The following ARID2 variants were observed in gnomAD, a reference collection of about 807,000 sequenced individuals.
The protein encoded by ARID2 is AT-rich interaction domain 2.
A neutral mutation model predicts 184.6 loss-of-function variants in ARID2; 32 were observed. The observed-to-expected ratio is 0.17, with a 90% CI of 0.13 to 0.23. The LOEUF is 0.23. Ranked by LOEUF, ARID2 falls within the 10% of genes least tolerant of loss-of-function variation. The pLI is 1.00. For synonymous variants in ARID2, 836 were observed against 772.6 expected, an observed-to-expected ratio of 1.08 and a Z score of -1.36; for missense variants, 1,696 against 2,197.6, an observed-to-expected ratio of 0.77 and a Z score of 4.56.
chr12:45,892,741 A>G (rs1466138395), intron 18 of ARID2, among the ~76,000 whole-genome samples: 2 of 152,136 alleles, frequency 1.3e-5, no homozygotes, highest in Non-Finnish European at 1.5e-5. Flanking sequence ...CACACAGATA[A>G]TGATGCACTA....
chr12:45,900,122 G>A (rs1423502347), intron 20 of ARID2, among the ~76,000 whole-genome samples: 9 of 152,032 alleles, frequency 5.9e-5, no homozygotes, highest in African/African-American at 1.2e-4. Context: ...GTTCCGTGGC[G>A]TGATCTCGGC....
In ARID2 at chr12:45,746,626, C is replaced by T. The variant is rs768288208; in HGVS notation, c.284+15312C>T. Among the ~76,000 whole-genome samples the T allele has an allele frequency of 2.8e-4, 43 of 152,006 alleles. 1 individual carries two copies. The highest frequency in any genetic ancestry group is 8.9e-4 in the African/African-American group (37 of 41,356). On this transcript the variant is annotated intron_variant, in intron 3 of 20. Transcript: ENST00000334344. ...AACATTTATTTAATTTGCCATGTGC[C>T]GGGCACTGCACCAAGTGGTAACTCA...
At chr12:45,770,699 C>A (rs1941859897) in intron 3 of ARID2, among the ~76,000 whole-genome samples, 1 of 152,116 alleles carries the variant, frequency 6.6e-6, no homozygotes, top group African/African-American at 2.4e-5. Flanking sequence ...GGAGTGTGTG[C>A]TGATTGGTTT....
intron 6 of ARID2, among the ~76,000 whole-genome samples, chr12:45,832,608 C>T (rs1249821838): frequency 1.3e-5 from 2 of 152,084 alleles, no homozygotes; most frequent in Non-Finnish European, 2.9e-5. Context: ...TCCCAAGTAG[C>T]TGGGACTATA....
chr12:45,745,766 C>A (rs566135340), intron 3 of ARID2, among the ~76,000 whole-genome samples: 1 of 152,102 alleles, frequency 6.6e-6, no homozygotes, highest in Non-Finnish European at 1.5e-5. Context: ...CCAGGCTGTT[C>A]TCGAACTCCT....
At chr12:45,834,972 CTCT>C (rs770585953) in intron 6 of ARID2, among the ~76,000 whole-genome samples, 1 of 152,036 alleles carries the variant, frequency 6.6e-6, no homozygotes, top group Non-Finnish European at 1.5e-5. Flanking sequence ...CCCATTCTTT[CTCT>C]TCTTCAGGAA....
intron 3 of ARID2, among the ~76,000 whole-genome samples, chr12:45,749,155 A>C (rs1345299453): frequency 1.3e-5 from 2 of 152,260 alleles, no homozygotes; most frequent in Non-Finnish European, 1.5e-5. Flanking sequence ...TTTCTTAAGT[A>C]ATAGACTAGA....
chr12:45,901,557 C>G (rs544073983), intron 20 of ARID2, among the ~76,000 whole-genome samples: 3 of 152,216 alleles, frequency 2.0e-5, no homozygotes, highest in Admixed American at 2.0e-4. Flanking sequence ...GTCTTCTCAT[C>G]TCTCTGAGGA....
intron 5 of ARID2, among the ~76,000 whole-genome samples, chr12:45,821,001 CTA>C (rs1431759991): frequency 1.3e-5 from 2 of 152,020 alleles, no homozygotes; most frequent in African/African-American, 2.4e-5. Context: ...GCCTTGCTCT[CTA>C]TGTTTTTTGA....
intron 3 of ARID2, among the ~76,000 whole-genome samples, chr12:45,782,476 A>G (rs909029878): frequency 6.6e-6 from 1 of 152,042 alleles, no homozygotes; most frequent in Non-Finnish European, 1.5e-5. Flanking sequence ...TACTGAAAAT[A>G]CAAAAATTAG....
At position 45,851,030 on chromosome 12, in the gene ARID2, T is replaced by C; in HGVS notation, c.2907T>C (p.Thr969=). Residue 969 remains threonine (T), a synonymous_variant, in exon 15 of 21, where the codon ACT becomes ACC. Coordinates refer to ENST00000334344, the MANE Select transcript of ARID2 (RefSeq NM_152641.4). ...AGCTAACTGGACAACCTAACATAACTCCATCTTCTTCACCATCACCTGTCC... is the reference window on the plus strand; with the variant it reads ...AGCTAACTGGACAACCTAACATAACCCCATCTTCTTCACCATCACCTGTCC... The part of the protein sequence containing the change: ...TVQLTGQPNI[T]PSSSPSPVPA... The C allele has an allele frequency of 6.2e-7, 1 of 1,614,018 alleles. No individual in the cohort carries two copies. Among genetic ancestry groups the C allele is most frequent in the Non-Finnish European group, 8.5e-7 (1 of 1,179,988 alleles).
At chr12:45,797,239 T>A (rs765002452) in intron 3 of ARID2, among the ~76,000 whole-genome samples, 22 of 152,182 alleles carry the variant, frequency 1.4e-4, no homozygotes, top group Non-Finnish European at 1.9e-4. Context: ...ATTTTTATTA[T>A]TTGTTTATTT....
intron 3 of ARID2, among the ~76,000 whole-genome samples, chr12:45,807,744 CA>C (rs1942628532): frequency 6.6e-6 from 1 of 152,054 alleles, no homozygotes; most frequent in Non-Finnish European, 1.5e-5. Flanking sequence ...GATACATGAT[CA>C]GTTTTAAAAT....
intron 3 of ARID2, among the ~76,000 whole-genome samples, chr12:45,737,280 GC>G (rs1289017972): frequency 6.6e-6 from 1 of 151,980 alleles, no homozygotes; most frequent in Admixed American, 6.6e-5. Context: ...CCATCTTACT[GC>G]CATAGAAATT....
intron 3 of ARID2, among the ~76,000 whole-genome samples, chr12:45,770,866 C>T (rs1321597764): frequency 6.6e-6 from 1 of 152,168 alleles, no homozygotes; most frequent in Non-Finnish European, 1.5e-5. Context: ...GGTTCTCAAT[C>T]CAGTCCATGG....
At chr12:45,866,622 A>G (rs1345401158) in intron 16 of ARID2, among the ~76,000 whole-genome samples, 1 of 152,188 alleles carries the variant, frequency 6.6e-6, no homozygotes, top group African/African-American at 2.4e-5. Context: ...ACTGAGGGGA[A>G]ATTTCTTTGC....
intron 16 of ARID2, among the ~76,000 whole-genome samples, chr12:45,885,544 CT>C (rs2138223055): frequency 6.6e-6 from 1 of 152,220 alleles, no homozygotes; most frequent in South Asian, 2.1e-4. Context: ...CTGCCAAGAC[CT>C]TGAGTAAATA....
At chr12:45,902,352 C>A (rs2136470780) in intron 20 of ARID2, among the ~76,000 whole-genome samples, 1 of 152,134 alleles carries the variant, frequency 6.6e-6, no homozygotes, top group African/African-American at 2.4e-5. Flanking sequence ...TCAGTTTATT[C>A]TTTCTAGTTT....
At chr12:45,819,236 T>C (rs1262790996) in intron 5 of ARID2, among the ~76,000 whole-genome samples, 1 of 152,212 alleles carries the variant, frequency 6.6e-6, no homozygotes, top group Non-Finnish European at 1.5e-5. Context: ...CCAGTTTGGG[T>C]GCTCTAAGAC....
Sources: allele counts gnomAD v4.1 joint callset (sites outside exome capture counted in the v4.1 genomes callset), GRCh38; gene constraint gnomAD v4.1.1; transcripts MANE v1.5; gene names NCBI Gene and HGNC (gene_info 2026-07-23, HGNC 2026-07-21).